DPYD: variants seen among roughly 807,000 people sequenced by gnomAD.
DPYD encodes the protein dihydropyrimidine dehydrogenase [NADP(+)].
DPYD carries 109 observed loss-of-function variants against 116.2 expected under a neutral mutation model. That is an observed-to-expected ratio of 0.94 (90% CI 0.80 to 1.10). The LOEUF (loss-of-function observed/expected upper bound fraction) is 1.10. DPYD is among the 50% of genes least tolerant of loss of function. The pLI, the probability that DPYD is intolerant of heterozygous loss-of-function variation, is 0.00. For missense variants in DPYD, 1,302 were observed against 1,254.5 expected (o/e 1.04, Z -0.57); for synonymous variants, 440 against 432.0 (o/e 1.02, Z -0.23).
intron 13 of DPYD, among the ~76,000 whole-genome samples, chr1:97,453,692 T>C (rs1676536725): frequency 6.6e-6 from 1 of 152,108 alleles, no homozygotes; most frequent in African/African-American, 2.4e-5. Flanking sequence ...AAGCCTACAA[T>C]TCTACCTTTA....
chr1:97,521,277 A>G (rs1378183635), intron 12 of DPYD, among the ~76,000 whole-genome samples: 1 of 152,116 alleles, frequency 6.6e-6, no homozygotes, highest in Non-Finnish European at 1.5e-5. Context: ...ATGTCTTCAA[A>G]CAGAGAGCCA....
chr1:97,616,403 A>G (rs1421605120), intron 8 of DPYD, among the ~76,000 whole-genome samples: 2 of 152,208 alleles, frequency 1.3e-5, no homozygotes, highest in Non-Finnish European at 2.9e-5. Flanking sequence ...AATGAGATTG[A>G]AAATTATTCC....
At chr1:97,869,801 T>G (rs1671567998) in intron 2 of DPYD, among the ~76,000 whole-genome samples, 1 of 151,884 alleles carries the variant, frequency 6.6e-6, no homozygotes, top group Non-Finnish European at 1.5e-5. Flanking sequence ...TTTATCTCCC[T>G]TTATTAAAAT....
rs547336745 is a variant in DPYD at position 97,772,239 on chromosome 1, G to T, written c.234-31760C>A. Among the ~76,000 whole-genome samples the T allele has an allele frequency of 2.0e-5, 3 of 152,252 alleles. No homozygotes were observed. In the South Asian group the frequency reaches 6.2e-4, roughly 32 times the overall value. ...TCTGTATTCAATAACTACTTCTTGA[G>T]TGTCCTCCATAGTCTTAGGCACTGC... On this transcript the variant is annotated intron_variant, in intron 3 of 22. Coordinates refer to ENST00000370192, the MANE Select transcript of DPYD (RefSeq NM_000110.4).
intron 2 of DPYD, among the ~76,000 whole-genome samples, chr1:97,880,557 CAG>C: frequency 6.6e-6 from 1 of 151,602 alleles, no homozygotes; most frequent in East Asian, 2.0e-4. Flanking sequence ...ATGAATGTCA[CAG>C]AGAGTCTTCA....
chr1:97,802,516 A>C (rs926400866), intron 3 of DPYD, among the ~76,000 whole-genome samples: 1 of 151,914 alleles, frequency 6.6e-6, no homozygotes, highest in Non-Finnish European at 1.5e-5. Flanking sequence ...CAGAGTCAGA[A>C]GCAGCTTGTA....
At position 97,573,806 on chromosome 1, in the gene DPYD, G is replaced by A. The variant is rs770549765; in HGVS notation, c.1293C>T (p.Ala431=). 63 of 1,613,406 alleles carry A rather than the reference G, an allele frequency of 3.9e-5. No homozygotes were observed. Among genetic ancestry groups the A allele is most frequent in the Non-Finnish European group, 4.9e-5 (58 of 1,179,626 alleles). ...EDEDQMVHLK[A]DVVISAFGSV... ...AACCAAAGGCACTGATGACCACATC[G>A]GCTTTCAGATGGACCATCTGATCTT... The change falls in exon 11 of 23, where the codon GCC becomes GCT. Residue 431 remains alanine, a synonymous_variant. Coordinates refer to ENST00000370192, the MANE Select transcript of DPYD (RefSeq NM_000110.4).
intron 3 of DPYD, among the ~76,000 whole-genome samples, chr1:97,820,493 G>A (rs1018558401): frequency 5.9e-5 from 9 of 152,138 alleles, no homozygotes; most frequent in Non-Finnish European, 1.2e-4. Context: ...ATTTAGAAAT[G>A]TTAGACCTCT....
intron 3 of DPYD, among the ~76,000 whole-genome samples, chr1:97,821,259 A>T (rs1185404863): frequency 6.9e-6 from 1 of 145,646 alleles, no homozygotes; most frequent in African/African-American, 2.5e-5. Flanking sequence ...TCAACCTGGG[A>T]GGCGGAAGTT....
rs575481327 is a variant in DPYD at position 97,898,675 on chromosome 1, C to T, written c.40-15301G>A. Reference sequence around the variant, plus strand: ...TGGTTTGACTGTGTCCCCAACCAAACCCACCTTGAACTGTAATAATCCCCA... The same window carrying T: ...TGGTTTGACTGTGTCCCCAACCAAATCCACCTTGAACTGTAATAATCCCCA... On this transcript the variant is annotated intron_variant, in intron 1 of 22. Transcript: ENST00000370192. Among the ~76,000 whole-genome samples, 3 of 152,012 alleles carry T rather than the reference C, an allele frequency of 2.0e-5. No individual in the cohort carries two copies. In the South Asian group the frequency reaches 6.2e-4, roughly 31 times the overall value.
In DPYD at chr1:97,573,743, A is replaced by AGCTCCCAGCACTGTAC; in HGVS notation, c.1339+1_1339+16dup. 6.2e-7 allele frequency: 1 copy of AGCTCCCAGCACTGTAC among 1,613,280 alleles called. No individual in the cohort carries two copies. The highest frequency in any genetic ancestry group is 8.5e-7 in the Non-Finnish European group (1 of 1,179,388). Reference sequence around the variant, plus strand: ...AACAGACAATTGCATCACACATTTCAGCTCCCAGCACTGTACCTTTAGGAT... The same window carrying AGCTCCCAGCACTGTAC: ...AACAGACAATTGCATCACACATTTCAGCTCCCAGCACTGTACGCTCCCAGCACTGTACCTTTAGGAT... On this transcript the variant is annotated intron_variant, in intron 11 of 22. Coordinates refer to ENST00000370192, the MANE Select transcript of DPYD (RefSeq NM_000110.4).
At chr1:97,399,313 T>C (rs2101629702) in intron 14 of DPYD, among the ~76,000 whole-genome samples, 1 of 152,322 alleles carries the variant, frequency 6.6e-6, no homozygotes, top group Non-Finnish European at 1.5e-5. Context: ...TATATCTCTT[T>C]TGTGGTACCA....
intron 16 of DPYD, among the ~76,000 whole-genome samples, chr1:97,335,737 T>C (rs1259565609): frequency 6.6e-6 from 1 of 152,200 alleles, no homozygotes; most frequent in Non-Finnish European, 1.5e-5. Context: ...CTAAATTTCT[T>C]GCATTTTAAA....
rs1343874226 is a variant in DPYD, at chr1:97,751,219, C to T, written c.234-10740G>A. ...TGGCAAAAGGGAGGAGTTACTGGAA[C>T]CTACTTAGAAGAGGATGACTTAATA... On this transcript the variant is annotated intron_variant, in intron 3 of 22. Coordinates refer to ENST00000370192, the MANE Select transcript of DPYD (RefSeq NM_000110.4). Among the ~76,000 whole-genome samples, 6 of 150,940 alleles carry T rather than the reference C, an allele frequency of 4.0e-5. No individual in the cohort carries two copies. In the East Asian group the frequency reaches 1.2e-3, roughly 29 times the overall value.
intron 18 of DPYD, among the ~76,000 whole-genome samples, chr1:97,267,080 T>C (rs1449249968): frequency 1.3e-5 from 2 of 152,196 alleles, no homozygotes; most frequent in Non-Finnish European, 1.5e-5. Context: ...GTATTTCTAG[T>C]TCTAGATCCT....
intron 5 of DPYD, among the ~76,000 whole-genome samples, chr1:97,704,524 A>C (rs1661793306): frequency 6.6e-6 from 1 of 152,028 alleles, no homozygotes; most frequent in South Asian, 2.1e-4. Context: ...AATACGAAGA[A>C]TATTTTTCAA....
chr1:97,832,993 A>G (rs1669608626), intron 2 of DPYD, among the ~76,000 whole-genome samples: 1 of 151,592 alleles, frequency 6.6e-6, no homozygotes. Context: ...GAAAGAGGCA[A>G]AGAAAAAAAA....
At chr1:97,408,985 T>C (rs1673826501) in intron 14 of DPYD, among the ~76,000 whole-genome samples, 1 of 152,102 alleles carries the variant, frequency 6.6e-6, no homozygotes, top group African/African-American at 2.4e-5. Context: ...ACTTTTGAGG[T>C]TTTGGGACTT....
At chr1:97,486,298 C>A (rs1678629877) in intron 13 of DPYD, among the ~76,000 whole-genome samples, 1 of 152,106 alleles carries the variant, frequency 6.6e-6, no homozygotes, top group Non-Finnish European at 1.5e-5. Context: ...TTCCATTTTG[C>A]AGTTTTTAAG....
Sources: gnomAD v4.1 joint callset for allele counts (sites outside exome capture counted in the v4.1 genomes callset) on GRCh38, gnomAD v4.1.1 for gene constraint, MANE v1.5 for transcripts, NCBI Gene and HGNC (gene_info 2026-07-23, HGNC 2026-07-21) for gene names.